Variants in GAREM2 observed in about 807,000 individuals in gnomAD.
The protein encoded by GAREM2 is GRB2-associated and regulator of MAPK protein 2.
In GAREM2, 30 loss-of-function variants were observed where a neutral mutation model predicts 55.6. The ratio of observed to expected loss-of-function variants is 0.54; its 90% CI spans 0.40 to 0.73. The LOEUF (loss-of-function observed/expected upper bound fraction) is 0.73. Among genes scored for constraint, GAREM2 ranks in the 30% least tolerant of loss-of-function variants. GAREM2 has a pLI of 0.00. For synonymous variants in GAREM2, 550 were observed against 569.1 expected, an observed-to-expected ratio of 0.97 and a Z score of 0.48; for missense variants, 1,075 against 1,257.7, an observed-to-expected ratio of 0.85 and a Z score of 2.20.
At chr2:26,192,195 C>A, downstream of GAREM2, 1 of 676,452 alleles carries the variant, frequency 1.5e-6, no homozygotes, top group Non-Finnish European at 2.7e-6. Context: ...CAAACCTGCA[C>A]ATGTATCCCA....
downstream of GAREM2, chr2:26,191,091 A>G (rs966451672): frequency 8.4e-6 from 6 of 710,110 alleles, no homozygotes; most frequent in African/African-American, 8.7e-5. Context: ...ACCAGGAGGG[A>G]GAGATGGTCT....
At chr2:26,192,329 G>A (rs142348718), downstream of GAREM2, 10,501 of 1,587,454 alleles carry the variant, frequency 6.6e-3, 46 homozygotes, top group Non-Finnish European at 8.4e-3. Context: ...TTAGGAGGCA[G>A]CTTCAGACTC....
At chr2:26,195,406 AG>A in the GAREM2 span, among the ~76,000 whole-genome samples, 20 of 152,106 alleles carry the variant, frequency 1.3e-4, no homozygotes, top group African/African-American at 4.6e-4. Context: ...TAGTATGTTT[AG>A]GGAGAGCACA....
chr2:26,184,872 C>T lies in GAREM2; in HGVS notation c.1024C>T (p.Arg342Cys). ...AGDPRVERLVRDSASYCRERF... is the reference protein window; with the variant it reads ...AGDPRVERLVCDSASYCRERF... ...GGACCCGCGCGTCGAGCGCCTGGTG[C>T]GCGACAGCGCCTCCTACTGCCGCGA... Residue 342 changes from arginine (R) to cysteine (C), a missense_variant, in exon 4 of 6, where the codon CGC (arginine) becomes TGC (cysteine). This residue lies in a region of GAREM2 where 170 missense variants were observed against 220.7 expected (regional missense o/e 0.77). Transcript: ENST00000401533. 2.7e-6 allele frequency: 4 copies of T among 1,464,096 alleles called. No homozygotes were observed. Among genetic ancestry groups the T allele is most frequent in the East Asian group, 5.9e-5 (2 of 33,624 alleles). 90.7% of individuals were successfully genotyped at this position (1,464,096 alleles called of 1,614,324 possible).
the GAREM2 span, among the ~76,000 whole-genome samples, chr2:26,194,853 A>G: frequency 6.6e-6 from 1 of 152,170 alleles, no homozygotes; most frequent in East Asian, 1.9e-4. Flanking sequence ...AGATAGTTTC[A>G]TGGTCACCTT....
intron 2 of GAREM2, among the ~76,000 whole-genome samples, chr2:26,176,775 T>C (rs2147721341): frequency 6.6e-6 from 1 of 152,304 alleles, no homozygotes; most frequent in East Asian, 1.9e-4. Context: ...ATCAGAGGCC[T>C]TCAGGGTATA....
the GAREM2 span, among the ~76,000 whole-genome samples, chr2:26,202,910 T>G: frequency 6.6e-6 from 1 of 152,252 alleles, no homozygotes; most frequent in South Asian, 2.1e-4. Flanking sequence ...CAGGAACTAT[T>G]GTCCCAAGTC....
chr2:26,194,178 T>C (rs1669593999), downstream of GAREM2, among the ~76,000 whole-genome samples: 1 of 152,176 alleles, frequency 6.6e-6, no homozygotes, highest in South Asian at 2.1e-4. Context: ...ATCCCTCTCC[T>C]TTCCTGCCAG....
chr2:26,197,329 G>A, the GAREM2 span, among the ~76,000 whole-genome samples: 75 of 152,286 alleles, frequency 4.9e-4, 1 homozygote, highest in Admixed American at 4.8e-3. Context: ...CTGATCTGGA[G>A]GTGGAACCAA....
chr2:26,188,093 A>C lies in GAREM2; in HGVS notation c.2461A>C (p.Ile821Leu), dbSNP rs1170816837. ...GGAGGTCTCTCGCAGTCTGCGTTTCATCGGGCTCTCAGAGGATGTGGTGAG... is the reference window on the plus strand; with the variant it reads ...GGAGGTCTCTCGCAGTCTGCGTTTCCTCGGGCTCTCAGAGGATGTGGTGAG... Reference protein sequence around the residue: ...LEEVSRSLRFIGLSEDVVSFF... With the variant: ...LEEVSRSLRFLGLSEDVVSFF... The change falls in exon 6 of 6, where the codon ATC (isoleucine) becomes CTC (leucine). Residue 821 changes from isoleucine to leucine, a missense_variant. Coordinates refer to ENST00000401533, the MANE Select transcript of GAREM2 (RefSeq NM_001168241.2). 6.4e-7 allele frequency: 1 copy of C among 1,550,470 alleles called. No individual in the cohort carries two copies. The highest frequency in any genetic ancestry group is 1.2e-5 in the South Asian group (1 of 83,742).
At chr2:26,177,493 C>T (rs1178650610) in intron 2 of GAREM2, among the ~76,000 whole-genome samples, 1 of 152,166 alleles carries the variant, frequency 6.6e-6, no homozygotes, top group African/African-American at 2.4e-5. Context: ...GTGGCTTGCC[C>T]AGTGCCATGT....
the GAREM2 span, chr2:26,204,224 G>C: frequency 2.7e-4 from 439 of 1,609,442 alleles, 4 homozygotes; most frequent in South Asian, 4.5e-3. Context: ...AATGACTTTC[G>C]GTAAACTGAT....
At chr2:26,198,990 G>A in the GAREM2 span, among the ~76,000 whole-genome samples, 1 of 152,080 alleles carries the variant, frequency 6.6e-6, no homozygotes, top group African/African-American at 2.4e-5. Flanking sequence ...TGCCGCCTGG[G>A]TTCAAGCAAT....
At chr2:26,199,702 C>G in the GAREM2 span, among the ~76,000 whole-genome samples, 1 of 152,120 alleles carries the variant, frequency 6.6e-6, no homozygotes, top group Non-Finnish European at 1.5e-5. Flanking sequence ...CCGGTAGCCT[C>G]TTTTTTTATT....
In GAREM2 at chr2:26,184,692, C is replaced by G; in HGVS notation, c.844C>G (p.Pro282Ala). Reference sequence around the variant, plus strand: ...GCCGCGCAACCCCTACGACCTGCACCCGGTGCGGGAGGGTCATTGCTACAA... The same window carrying G: ...GCCGCGCAACCCCTACGACCTGCACGCGGTGCGGGAGGGTCATTGCTACAA... Reference protein sequence around the residue: ...RPPRNPYDLHPVREGHCYKLV... With the variant: ...RPPRNPYDLHAVREGHCYKLV... Residue 282 changes from proline (P) to alanine (A), a missense_variant, in exon 4 of 6, where the codon CCG becomes GCG. Physicochemically the swap from Pro to Ala is conservative, Grantham distance 27. Around this residue, in one of 6 missense-constraint regions of GAREM2, gnomAD observed 170 missense variants for 220.7 expected, o/e 0.77. Transcript: ENST00000401533. The G allele has an allele frequency of 1.3e-6, 2 of 1,541,412 alleles. No homozygotes were observed. The highest frequency in any genetic ancestry group is 1.7e-6 in the Non-Finnish European group (2 of 1,143,930).
At position 26,187,594 on chromosome 2, in the gene GAREM2, G is replaced by A. The variant is rs760027118; in HGVS notation, c.1962G>A (p.Ser654=). Residue 654 remains serine, a synonymous_variant, in exon 6 of 6, where the codon TCG becomes TCA. Coordinates refer to ENST00000401533, the MANE Select transcript of GAREM2 (RefSeq NM_001168241.2). ...AALSSGPRTT[S]GPVATSGPAY... is the part of the protein sequence containing the mutation. ...TGTCTTCTGGGCCCAGAACCACCTC[G>A]GGTCCTGTGGCTACCTCTGGCCCTG... is the stretch of plus-strand genomic sequence containing the variant. 48 of 1,549,088 alleles carry A rather than the reference G, an allele frequency of 3.1e-5. No individual in the cohort carries two copies. Among genetic ancestry groups the A allele is most frequent in the South Asian group, 8.4e-5 (7 of 83,560 alleles).
Position 26,182,226 on chromosome 2 carries a change from C to T in GAREM2, c.254-741C>T, listed in dbSNP as rs371149394. On this transcript the variant is annotated intron_variant, in intron 2 of 5. Transcript: ENST00000401533. ...ATCACTTCCGTAAAGTCTGTGTCTCCTAGGGGCATGTGCTGAGCTTGGCAA... is the reference window on the plus strand; with the variant it reads ...ATCACTTCCGTAAAGTCTGTGTCTCTTAGGGGCATGTGCTGAGCTTGGCAA... The T allele has an allele frequency of 1.9e-5, 27 of 1,405,958 alleles. No individual in the cohort carries two copies. In the East Asian group the frequency reaches 4.2e-4, roughly 22 times the overall value. The allele number at this position is 1,405,958 out of a possible 1,614,324, so 87.1% of individuals were successfully genotyped here.
At chr2:26,191,171 C>T (rs1358459584), downstream of GAREM2, 26 of 1,422,006 alleles carry the variant, frequency 1.8e-5, no homozygotes, top group East Asian at 4.5e-5. Context: ...TCTGATAAAT[C>T]TAGACACCAC....
In GAREM2 at chr2:26,185,255, A is replaced by C; in HGVS notation, c.1407A>C (p.Pro469=). 6.6e-7 allele frequency: 1 copy of C among 1,520,774 alleles called. No individual in the cohort carries two copies. The highest frequency in any genetic ancestry group is 8.8e-7 in the Non-Finnish European group (1 of 1,141,038). The allele number at this position is 1,520,774 out of a possible 1,614,324, so 94.2% of individuals were successfully genotyped here. Residue 469 remains proline, a synonymous_variant, in exon 4 of 6, where the codon CCA becomes CCC. Transcript: ENST00000401533. ...PRREPEAPPP[P]VPPKSEAVKE... is the part of the protein sequence containing the mutation. Reference sequence around the variant, plus strand: ...GGGAGCCGGAAGCGCCGCCGCCTCCAGTCCCTCCCAAATCCGAGGCGGTGA... The same window carrying C: ...GGGAGCCGGAAGCGCCGCCGCCTCCCGTCCCTCCCAAATCCGAGGCGGTGA...
Sources: gnomAD v4.1 joint callset for allele counts (sites outside exome capture counted in the v4.1 genomes callset) on GRCh38, gnomAD v4.1.1 for gene constraint, gnomAD v4.1.1 regional missense constraint, MANE v1.5 for transcripts, NCBI Gene and HGNC (gene_info 2026-07-23, HGNC 2026-07-21) for gene names.